The following PLEKHA7 variants were observed in gnomAD, a reference collection of about 807,000 sequenced individuals.
PLEKHA7 encodes pleckstrin homology domain-containing family A member 7.
PLEKHA7 carries 104 observed loss-of-function variants against 170.0 expected under a neutral mutation model. The observed-to-expected ratio is 0.61, with a 90% CI of 0.52 to 0.72. The LOEUF (loss-of-function observed/expected upper bound fraction) is 0.72, where lower values mean the gene tolerates loss of function less well. PLEKHA7 is among the 30% of genes least tolerant of loss of function. PLEKHA7 has a pLI of 0.00. For synonymous variants in PLEKHA7, 648 were observed against 660.8 expected (o/e 0.98, Z 0.30); for missense variants, 1,615 against 1,671.7 (o/e 0.97, Z 0.59).
chr11:16,812,946 A>T (rs1849480887), intron 13 of PLEKHA7, among the ~76,000 whole-genome samples, 167 bp downstream of exon 13: 1 of 152,250 alleles, frequency 6.6e-6, no homozygotes. Flanking sequence ...GCAGAGTTTT[A>T]GTCTGTAAGA....
chr11:16,860,307 GT>G (rs1276437546), intron 4 of PLEKHA7, among the ~76,000 whole-genome samples: 1 of 152,184 alleles, frequency 6.6e-6, no homozygotes, highest in African/African-American at 2.4e-5. Flanking sequence ...AGAAAGAGAG[GT>G]TATAGATACA....
rs190018750 is a variant in PLEKHA7 at position 16,924,633 on chromosome 11, A to T, written c.222-53451T>A. Reference sequence around the variant, plus strand: ...GAGGAGATGGGGCTGTCCCACCGACAACGAAAGGGGAACCCTTCGGGGGCA... The same window carrying T: ...GAGGAGATGGGGCTGTCCCACCGACTACGAAAGGGGAACCCTTCGGGGGCA... On this transcript the variant is annotated intron_variant, in intron 3 of 26. Transcript: ENST00000531066. Among the ~76,000 whole-genome samples, 25 of 152,230 alleles carry T rather than the reference A, an allele frequency of 1.6e-4. No individual in the cohort carries two copies. The East Asian group carries it at 4.6e-3, about 28-fold the overall frequency.
intron 25 of PLEKHA7, among the ~76,000 whole-genome samples, 191 bp downstream of exon 25, chr11:16,783,509 G>A (rs894917809): frequency 2.6e-5 from 4 of 152,244 alleles, no homozygotes; most frequent in African/African-American, 9.6e-5. Flanking sequence ...GGTCTTTCCA[G>A]ATGACCCAGG....
chr11:16,889,302 C>A (rs1360496746), intron 3 of PLEKHA7, among the ~76,000 whole-genome samples: 2 of 150,394 alleles, frequency 1.3e-5, no homozygotes, highest in African/African-American at 4.9e-5. Context: ...CATTACCTAC[C>A]CAACTCCTAT....
intron 9 of PLEKHA7, among the ~76,000 whole-genome samples, chr11:16,834,837 TG>T (rs1047960894): frequency 2.0e-5 from 3 of 150,918 alleles, no homozygotes; most frequent in African/African-American, 7.3e-5. Flanking sequence ...GAAGATTACT[TG>T]GGGGGGCGGG....
chr11:16,910,771 A>C (rs548068174), intron 3 of PLEKHA7, among the ~76,000 whole-genome samples: 64 of 152,364 alleles, frequency 4.2e-4, no homozygotes, highest in African/African-American at 1.5e-3. Flanking sequence ...CAAAATCAAC[A>C]AGGGCATTCT....
Position 16,789,682 on chromosome 11 carries a change from G to A in PLEKHA7, c.3156+93C>T. 4 of 1,161,612 alleles carry A rather than the reference G, an allele frequency of 3.4e-6. No individual in the cohort carries two copies. Among genetic ancestry groups the A allele is most frequent in the Non-Finnish European group, 5.0e-6 (4 of 802,820 alleles). 72.0% of individuals were successfully genotyped at this position (1,161,612 alleles called of 1,614,324 possible). On this transcript the variant is annotated intron_variant, in intron 22 of 26. Coordinates refer to ENST00000531066, the MANE Select transcript of PLEKHA7 (RefSeq NM_001329630.2). This position sits in a 1 kb window ranked among gnomAD's most constrained non-coding sequence, Gnocchi z 4.6. Reference sequence around the variant, plus strand: ...AGGCCACCCCAGAGGCCATCCCCAGGGCTGAAGGGATGGCCAGTTACTGTC... The same window carrying A: ...AGGCCACCCCAGAGGCCATCCCCAGAGCTGAAGGGATGGCCAGTTACTGTC...
At chr11:16,854,374 T>C (rs1361427144) in intron 6 of PLEKHA7, among the ~76,000 whole-genome samples, 1 of 152,024 alleles carries the variant, frequency 6.6e-6, no homozygotes, top group Non-Finnish European at 1.5e-5. Context: ...GGGAGAATGG[T>C]GGTACCATTA....
intron 3 of PLEKHA7, among the ~76,000 whole-genome samples, chr11:16,874,716 C>T (rs1855144885): frequency 6.6e-6 from 1 of 152,208 alleles, no homozygotes; most frequent in South Asian, 2.1e-4. Flanking sequence ...TTATCTCCCC[C>T]TTTCCTCTTT....
In PLEKHA7 at chr11:16,872,272, A is replaced by G. The variant is rs563714603; in HGVS notation, c.222-1090T>C. ...GTGAGCCACCGTGCCCCACCTGTAG[A>G]CAATTTTTAAAATGTAGAAAGTAAA... is the stretch of plus-strand genomic sequence containing the variant. On this transcript the variant is annotated intron_variant, in intron 3 of 26. Coordinates refer to ENST00000531066, the MANE Select transcript of PLEKHA7 (RefSeq NM_001329630.2). 3.3e-5 allele frequency among the ~76,000 whole-genome samples: 5 copies of G among 151,994 alleles called. No individual in the cohort carries two copies. In the South Asian group the frequency reaches 8.4e-4, roughly 25 times the overall value.
intron 13 of PLEKHA7, among the ~76,000 whole-genome samples, chr11:16,805,206 TAC>T (rs2134455213): frequency 6.6e-6 from 1 of 152,340 alleles, no homozygotes; most frequent in Admixed American, 6.5e-5. Flanking sequence ...TGAAGCTTTT[TAC>T]AGAGGATGTC....
intron 23 of PLEKHA7, 187 bp downstream of exon 23, chr11:16,788,909 G>T: frequency 1.4e-6 from 1 of 708,748 alleles, no homozygotes; most frequent in Non-Finnish European, 2.3e-6. Context: ...TCTGGTTCAG[G>T]TCACCCTCTG....
intron 3 of PLEKHA7, among the ~76,000 whole-genome samples, chr11:16,907,145 C>A (rs1358908267): frequency 9.9e-6 from 1 of 101,058 alleles, no homozygotes; most frequent in African/African-American, 4.0e-5. Context: ...CCAGCCGCCC[C>A]GTCCGGAAGG....
intron 3 of PLEKHA7, among the ~76,000 whole-genome samples, chr11:17,009,271 A>G (rs1314300647): frequency 6.6e-6 from 1 of 152,152 alleles, no homozygotes; most frequent in Admixed American, 6.5e-5. Flanking sequence ...AAGAATGGGG[A>G]TGATTCTTCC....
intron 9 of PLEKHA7, 114 bp downstream of exon 9, chr11:16,841,433 G>A: frequency 8.5e-7 from 1 of 1,172,118 alleles, no homozygotes; most frequent in South Asian, 1.7e-5. Context: ...TATAAAGAGA[G>A]GGCAATGCTT....
chr11:16,803,515 T>G (rs933217801), intron 13 of PLEKHA7: 1 of 548,376 alleles, frequency 1.8e-6, no homozygotes, highest in Admixed American at 3.2e-5. Context: ...GTAATGCTGG[T>G]AAGTCCTTTG....
At chr11:16,956,758 G>A (rs375244880) in intron 3 of PLEKHA7, among the ~76,000 whole-genome samples, 3 of 152,244 alleles carry the variant, frequency 2.0e-5, no homozygotes, top group Admixed American at 1.3e-4. Context: ...CTTTATTCTG[G>A]TGCTTCCTGC....
chr11:16,816,000 G>A (rs943011474), intron 12 of PLEKHA7, among the ~76,000 whole-genome samples, 178 bp downstream of exon 12: 1 of 151,990 alleles, frequency 6.6e-6, no homozygotes, highest in Non-Finnish European at 1.5e-5. Flanking sequence ...CCCTTCACTG[G>A]GGACCCAGTG....
At chr11:16,821,801 T>G (rs746704519) in intron 10 of PLEKHA7, among the ~76,000 whole-genome samples, 1 of 152,234 alleles carries the variant, frequency 6.6e-6, no homozygotes, top group African/African-American at 2.4e-5. Flanking sequence ...CTTTGCTCAC[T>G]TAAAGATTGA....
Sources: gnomAD v4.1 joint callset for allele counts (sites outside exome capture counted in the v4.1 genomes callset) on GRCh38, gnomAD v4.1.1 for gene constraint, Gnocchi (gnomAD v3.1) non-coding constraint, MANE v1.5 for transcripts, NCBI Gene and HGNC (gene_info 2026-07-23, HGNC 2026-07-21) for gene names.